GPHN: variants seen among roughly 807,000 people sequenced by gnomAD.
GPHN encodes the protein gephyrin.
Under a neutral mutation model 95.5 loss-of-function variants are expected in GPHN, and 17 were observed. The ratio of observed to expected loss-of-function variants is 0.18; its 90% CI spans 0.12 to 0.27. GPHN has a LOEUF of 0.27. Ranked by LOEUF, GPHN falls within the 10% of genes least tolerant of loss-of-function variation. GPHN has a pLI of 1.00. For synonymous variants in GPHN, 320 were observed against 322.5 expected (o/e 0.99, Z 0.08); for missense variants, 660 against 978.1 (o/e 0.67, Z 4.34).
the GPHN span, among the ~76,000 whole-genome samples, chr14:67,688,455 T>C: frequency 6.6e-6 from 1 of 152,168 alleles, no homozygotes; most frequent in Non-Finnish European, 1.5e-5. Flanking sequence ...TACATACATA[T>C]GTAAATGCAT....
chr14:67,674,734 G>A, the GPHN span: 2 of 394,740 alleles, frequency 5.1e-6, no homozygotes, highest in Admixed American at 4.5e-5. Context: ...GCGCGGCCTA[G>A]GCGACTCCTG....
At chr14:67,613,448 G>T in the GPHN span, 1 of 152,498 alleles carries the variant, frequency 6.6e-6, no homozygotes, top group Non-Finnish European at 1.5e-5. Flanking sequence ...AGGATTTCTT[G>T]AGCCAGGAGT....
chr14:66,583,059 T>G (rs2061262405), intron 1 of GPHN, among the ~76,000 whole-genome samples: 1 of 151,902 alleles, frequency 6.6e-6, no homozygotes, highest in Non-Finnish European at 1.5e-5. Flanking sequence ...GTTTCCTGAC[T>G]TTTTAATGAT....
chr14:66,532,479 G>A (rs2058982540), intron 1 of GPHN, among the ~76,000 whole-genome samples: 1 of 152,184 alleles, frequency 6.6e-6, no homozygotes, highest in Admixed American at 6.5e-5. Context: ...CCATTATTCT[G>A]TTGGTCAAAT....
At chr14:67,086,621 C>G (rs538816641) in intron 11 of GPHN, among the ~76,000 whole-genome samples, 2 of 146,444 alleles carry the variant, frequency 1.4e-5, no homozygotes, top group African/African-American at 5.1e-5. Context: ...CACTGCACTC[C>G]AGCCTGGGCG....
chr14:67,077,660 A>C (rs2076547952), intron 11 of GPHN, among the ~76,000 whole-genome samples: 1 of 152,138 alleles, frequency 6.6e-6, no homozygotes, highest in Non-Finnish European at 1.5e-5. Flanking sequence ...TTTTCTAAAG[A>C]TACCTTAGGC....
chr14:67,317,173 T>G, the GPHN span, among the ~76,000 whole-genome samples: 1 of 152,170 alleles, frequency 6.6e-6, no homozygotes, highest in Non-Finnish European at 1.5e-5. Flanking sequence ...AAAAGTAAAT[T>G]AAAAACAAGC....
chr14:67,469,440 CTTTTTTTTTTTT>C, the GPHN span, among the ~76,000 whole-genome samples: 1 of 80,864 alleles, frequency 1.2e-5, no homozygotes, highest in Non-Finnish European at 2.2e-5. Context: ...CCATGCCTGG[CTTTTTTTTTTTT>C]TTTTTTTTTT....
At chr14:66,842,483 G>A (rs940936735) in intron 4 of GPHN, among the ~76,000 whole-genome samples, 1 of 152,156 alleles carries the variant, frequency 6.6e-6, no homozygotes, top group African/African-American at 2.4e-5. Flanking sequence ...GTGTGAAAGG[G>A]GAGGTTGTGG....
chr14:67,617,672 G>A, the GPHN span, among the ~76,000 whole-genome samples: 2 of 152,154 alleles, frequency 1.3e-5, no homozygotes, highest in Non-Finnish European at 2.9e-5. Flanking sequence ...TGGAAAGGTC[G>A]GTCTGGTGAT....
chr14:67,300,606 G>C, the GPHN span, among the ~76,000 whole-genome samples: 2 of 152,098 alleles, frequency 1.3e-5, no homozygotes, highest in African/African-American at 2.4e-5. Flanking sequence ...GGGATTACTG[G>C]TGTGAGCCAT....
intron 18 of GPHN, among the ~76,000 whole-genome samples, chr14:67,150,532 T>C (rs1344219303): frequency 6.6e-6 from 1 of 151,864 alleles, no homozygotes; most frequent in Admixed American, 6.6e-5. Flanking sequence ...TATACTTTTT[T>C]ATAATCTTAA....
At chr14:67,401,847 G>A in the GPHN span, among the ~76,000 whole-genome samples, 10 of 152,238 alleles carry the variant, frequency 6.6e-5, no homozygotes, top group East Asian at 5.8e-4. Flanking sequence ...AATACAGGCC[G>A]GCGCGGTGGC....
At chr14:67,104,198 T>C (rs1029935995) in intron 13 of GPHN, among the ~76,000 whole-genome samples, 1 of 152,244 alleles carries the variant, frequency 6.6e-6, no homozygotes, top group African/African-American at 2.4e-5. Flanking sequence ...GAGCCACCCT[T>C]GCATCCCCAC....
chr14:67,234,556 C>T, the GPHN span, among the ~76,000 whole-genome samples: 1 of 152,074 alleles, frequency 6.6e-6, no homozygotes, highest in South Asian at 2.1e-4. Context: ...CCACTCTTTG[C>T]TTGTTTGTTT....
rs2065256076 is a variant in GPHN at position 66,904,182 on chromosome 14, G to A, written c.390-11821G>A. 2.6e-5 allele frequency among the ~76,000 whole-genome samples: 4 copies of A among 152,086 alleles called. No individual in the cohort carries two copies. In the South Asian group the frequency reaches 8.3e-4, roughly 32 times the overall value. ...GTGAGTGTTACAGCTCTTAAAGGTG[G>A]CGTGGACCAAAAGAGTGAGCAGCAG... On this transcript the variant is annotated intron_variant, in intron 5 of 22. Coordinates refer to ENST00000478722, the MANE Select transcript of GPHN (RefSeq NM_020806.5).
At chr14:67,326,837 A>G in the GPHN span, among the ~76,000 whole-genome samples, 94 of 152,240 alleles carry the variant, frequency 6.2e-4, no homozygotes, top group Non-Finnish European at 1.2e-3. Flanking sequence ...CTATGATATT[A>G]ATATACCACA....
At chr14:67,562,334 C>T in the GPHN span, 714 of 1,613,906 alleles carry the variant, frequency 4.4e-4, 5 homozygotes, top group African/African-American at 8.1e-3. Flanking sequence ...AGCAGCAAGC[C>T]CCTTGGAGGA....
chr14:66,804,910 A>T (rs1486767332), intron 3 of GPHN, among the ~76,000 whole-genome samples: 1 of 152,228 alleles, frequency 6.6e-6, no homozygotes, highest in Admixed American at 6.5e-5. Context: ...CTAGGATTAA[A>T]TAAAAAAGAT....
Sources: allele counts gnomAD v4.1 joint callset (sites outside exome capture counted in the v4.1 genomes callset), GRCh38; gene constraint gnomAD v4.1.1; transcripts MANE v1.5; gene names NCBI Gene and HGNC (gene_info 2026-07-23, HGNC 2026-07-21).